Variants in CTDP1 observed in about 807,000 individuals in gnomAD.
The protein encoded by CTDP1 is CTD phosphatase 1, also known as RNA polymerase II subunit A C-terminal domain phosphatase.
A neutral mutation model predicts 91.8 loss-of-function variants in CTDP1; 47 were observed. The observed-to-expected ratio is 0.51, with a 90% CI of 0.41 to 0.65. The LOEUF (loss-of-function observed/expected upper bound fraction) is 0.65, where lower values mean the gene tolerates loss of function less well. Ranked by LOEUF, CTDP1 falls within the 30% of genes least tolerant of loss-of-function variation. The pLI is 0.00. For synonymous variants in CTDP1, 656 were observed against 598.5 expected, an observed-to-expected ratio of 1.10 and a Z score of -1.40; for missense variants, 1,272 against 1,373.7, an observed-to-expected ratio of 0.93 and a Z score of 1.17.
rs544581692 is a variant in CTDP1, at chr18:79,723,647, C to A, written c.2418-5260C>A. 2.0e-5 allele frequency among the ~76,000 whole-genome samples: 3 copies of A among 152,198 alleles called. No individual in the cohort carries two copies. In the South Asian group the frequency reaches 6.2e-4, roughly 32 times the overall value. ...GATAATGCAGAGAGGCCCTTTGGAC[C>A]CTTTATCCTGTTTCCCCTGTGGTTG... On this transcript the variant is annotated intron_variant, in intron 10 of 12. Coordinates refer to ENST00000613122, the MANE Select transcript of CTDP1 (RefSeq NM_004715.5).
intron 4 of CTDP1, among the ~76,000 whole-genome samples, chr18:79,704,429 C>T (rs1035300386): frequency 2.0e-5 from 3 of 151,800 alleles, no homozygotes; most frequent in African/African-American, 4.8e-5. Flanking sequence ...TGTCCTCTGT[C>T]CCGTGTGGAG....
At chr18:79,695,130 TG>T in intron 1 of CTDP1, 94 bp from the exon 2 acceptor site, 1 of 1,103,382 alleles carries the variant, frequency 9.1e-7, no homozygotes. Flanking sequence ...AGTGTAGAAT[TG>T]GTACAAAAAC....
At chr18:79,686,487 A>G (rs2085496595) in intron 1 of CTDP1, among the ~76,000 whole-genome samples, 1 of 152,262 alleles carries the variant, frequency 6.6e-6, no homozygotes. Flanking sequence ...ATAAATGCAC[A>G]TTTTAAAGGT....
intron 10 of CTDP1, among the ~76,000 whole-genome samples, chr18:79,722,087 G>A (rs759049253): frequency 1.1e-4 from 16 of 152,336 alleles, no homozygotes; most frequent in Admixed American, 5.2e-4. Flanking sequence ...AGTGGTTAAA[G>A]ATTAGATACA....
chr18:79,695,626 G>A (rs1568179404), intron 2 of CTDP1, among the ~76,000 whole-genome samples: 2 of 152,188 alleles, frequency 1.3e-5, no homozygotes, highest in African/African-American at 4.8e-5. Context: ...GCCGCTGAGC[G>A]CCCCATGCTG....
chr18:79,696,661 A>G (rs1165717456), intron 3 of CTDP1, among the ~76,000 whole-genome samples: 1 of 152,100 alleles, frequency 6.6e-6, no homozygotes, highest in East Asian at 1.9e-4. Flanking sequence ...CTTGTAGCCG[A>G]CAGGAGAGCC....
intron 5 of CTDP1, among the ~76,000 whole-genome samples, chr18:79,707,609 A>C (rs895019699): frequency 9.9e-5 from 15 of 152,256 alleles, no homozygotes; most frequent in African/African-American, 3.4e-4. Context: ...AAGACATCAC[A>C]AGAAAACTGC....
At chr18:79,735,894 C>A (rs2086657791) in intron 11 of CTDP1, 1 of 198,310 alleles carries the variant, frequency 5.0e-6, no homozygotes, top group African/African-American at 2.3e-5. Context: ...TAGCGAGCGT[C>A]CCTGTGGCAC....
intron 12 of CTDP1, among the ~76,000 whole-genome samples, chr18:79,742,912 T>C (rs1401728644): frequency 6.6e-6 from 1 of 152,152 alleles, no homozygotes; most frequent in Non-Finnish European, 1.5e-5. Flanking sequence ...GCCAAGATCA[T>C]GCCACTGCAC....
intron 6 of CTDP1, among the ~76,000 whole-genome samples, chr18:79,712,378 C>G (rs1042883112): frequency 6.6e-6 from 1 of 152,162 alleles, no homozygotes; most frequent in African/African-American, 2.4e-5. Context: ...ACTTCCTGGG[C>G]TCAAGCTATC....
At position 79,717,980 on chromosome 18, in the gene CTDP1, G is replaced by C. The variant is rs531372802; in HGVS notation, c.2381G>C (p.Ser794Thr). Reference protein sequence around the residue: ...TGARGPPAPSSSLPIRQEPSS... With the variant: ...TGARGPPAPSTSLPIRQEPSS... ...GCCCGGGGGCCCCCAGCACCCTCCA[G>C]CTCCCTACCCATCCGCCAGGAGCCC... Residue 794 changes from serine to threonine, a missense_variant, in exon 10 of 13, where the codon AGC (serine) becomes ACC (threonine). Ser to Thr is a moderately conservative substitution (Grantham distance 58). Around this residue, in one of 3 missense-constraint regions of CTDP1, gnomAD observed 881 missense variants for 911.6 expected, o/e 0.97. Transcript: ENST00000613122. The C allele has an allele frequency of 1.9e-6, 3 of 1,613,464 alleles. No homozygotes were observed. The highest frequency in any genetic ancestry group is 2.2e-5 in the East Asian group (1 of 44,874).
chr18:79,689,642 G>A (rs759073744), intron 1 of CTDP1, among the ~76,000 whole-genome samples: 10 of 152,232 alleles, frequency 6.6e-5, no homozygotes, highest in Non-Finnish European at 1.0e-4. Flanking sequence ...AAAAATAGGC[G>A]TGATGGTGCG....
Position 79,717,620 on chromosome 18 carries a change from G to C in CTDP1, c.2154G>C (p.Trp718Cys), listed in dbSNP as rs979631278. ...PDWLWSCLER[W>C]DKVEEQLFPL... is the part of the protein sequence containing the mutation. ...GGCTGTGGAGCTGCCTGGAGCGCTG[G>C]GACAAGGTGGAGGAGCAGCTCTTCC... Residue 718 changes from tryptophan to cysteine, a missense_variant, in exon 9 of 13, where the codon TGG becomes TGC. Physicochemically the swap from Trp to Cys is radical, Grantham distance 215. Coordinates refer to ENST00000613122, the MANE Select transcript of CTDP1 (RefSeq NM_004715.5). 6 of 1,613,866 alleles carry C rather than the reference G, an allele frequency of 3.7e-6. No individual in the cohort carries two copies. The highest frequency in any genetic ancestry group is 5.1e-6 in the Non-Finnish European group (6 of 1,179,970).
At position 79,729,271 on chromosome 18, in the gene CTDP1, A is replaced by G. The variant is rs548707210; in HGVS notation, c.2580+202A>G. ...AGGAGACCTAGAACAGCATTAAGCA[A>G]TGTGTCCGCAGTGTGTGGCATGAGA... On this transcript the variant is annotated intron_variant, in intron 11 of 12. Transcript: ENST00000613122. 3.3e-5 allele frequency among the ~76,000 whole-genome samples: 5 copies of G among 152,334 alleles called. No individual in the cohort carries two copies. In the South Asian group the frequency reaches 6.2e-4, roughly 19 times the overall value.
intron 1 of CTDP1, among the ~76,000 whole-genome samples, chr18:79,690,104 A>G (rs890313550): frequency 1.3e-5 from 2 of 152,174 alleles, no homozygotes; most frequent in African/African-American, 4.8e-5. Flanking sequence ...ATACATTTCT[A>G]CACTCAGAAT....
At chr18:79,698,126 G>T in intron 4 of CTDP1, 138 bp downstream of exon 4, 4 of 1,302,030 alleles carry the variant, frequency 3.1e-6, no homozygotes, top group Non-Finnish European at 4.3e-6. Context: ...TGCTAGTTCT[G>T]GGCGTGGGCC....
intron 11 of CTDP1, chr18:79,735,611 A>G: frequency 6.5e-6 from 1 of 152,800 alleles, no homozygotes; most frequent in Non-Finnish European, 1.5e-5. Flanking sequence ...GGAGAACTTG[A>G]GTTCACCTCC....
chr18:79,695,229 G>T lies in CTDP1; in HGVS notation c.319G>T (p.Val107Phe), dbSNP rs1212151939. The T allele has an allele frequency of 6.2e-7, 1 of 1,614,112 alleles. No homozygotes were observed. ...QPGQVVAPGA[V>F]LVRLEGCSHP... Reference sequence around the variant, plus strand: ...TCCCCTTGTGTTTTTTTGTAGAGCGGTTCTGGTGAGGTTGGAAGGATGCAG... The same window carrying T: ...TCCCCTTGTGTTTTTTTGTAGAGCGTTTCTGGTGAGGTTGGAAGGATGCAG... The change falls in exon 2 of 13, where the codon GTT becomes TTT. Residue 107 changes from valine to phenylalanine, a missense_variant. This residue lies in a region of CTDP1 where 214 missense variants were observed against 179.1 expected (regional missense o/e 1.19). Coordinates refer to ENST00000613122, the MANE Select transcript of CTDP1 (RefSeq NM_004715.5).
chr18:79,748,582 A>G (rs541434455), intron 12 of CTDP1, among the ~76,000 whole-genome samples: 11 of 152,310 alleles, frequency 7.2e-5, no homozygotes, highest in African/African-American at 2.6e-4. Context: ...CTGCTGTGAG[A>G]TGGGGATGGT....
Sources: gnomAD v4.1 joint callset for allele counts (sites outside exome capture counted in the v4.1 genomes callset) on GRCh38, gnomAD v4.1.1 for gene constraint, gnomAD v4.1.1 regional missense constraint, MANE v1.5 for transcripts, NCBI Gene and HGNC (gene_info 2026-07-23, HGNC 2026-07-21) for gene names.